RNF2: variants seen among roughly 807,000 people sequenced by gnomAD.
RNF2 encodes ring finger protein 2.
A neutral mutation model predicts 37.2 loss-of-function variants in RNF2; 6 were observed. The ratio of observed to expected loss-of-function variants is 0.16; its 90% CI spans 0.09 to 0.32. The LOEUF (loss-of-function observed/expected upper bound fraction) is 0.32, where lower values mean the gene tolerates loss of function less well. RNF2 is among the 10% of genes least tolerant of loss of function. The pLI is 1.00. For missense variants in RNF2, 251 were observed against 404.0 expected (o/e 0.62, Z 3.25); for synonymous variants, 133 against 132.7 (o/e 1.00, Z -0.02).
rs1415293012 is a variant in RNF2 at position 185,096,715 on chromosome 1, C to G, written c.465-1357C>G. 3.3e-5 allele frequency among the ~76,000 whole-genome samples: 5 copies of G among 151,914 alleles called. No individual in the cohort carries two copies. In the East Asian group the frequency reaches 7.7e-4, roughly 23 times the overall value. Reference sequence around the variant, plus strand: ...TGTTGTATGTGGCAGGATTTCCTTCCTTTTTAGGACTGAATAATCCATTGT... The same window carrying G: ...TGTTGTATGTGGCAGGATTTCCTTCGTTTTTAGGACTGAATAATCCATTGT... On this transcript the variant is annotated intron_variant, in intron 4 of 6. Coordinates refer to ENST00000367510, the MANE Select transcript of RNF2 (RefSeq NM_007212.4).
At chr1:185,047,735 A>G (rs1650158901) in intron 1 of RNF2, among the ~76,000 whole-genome samples, 1 of 152,228 alleles carries the variant, frequency 6.6e-6, no homozygotes, top group African/African-American at 2.4e-5. Flanking sequence ...GACTCATTAA[A>G]TTCTGGATAA....
At chr1:185,079,420 G>A (rs1464780568) in intron 1 of RNF2, among the ~76,000 whole-genome samples, 1 of 152,106 alleles carries the variant, frequency 6.6e-6, no homozygotes, top group East Asian at 1.9e-4. Flanking sequence ...CTAGAAAATA[G>A]GAGATTATAG....
At chr1:185,056,921 A>G (rs900804523) in intron 1 of RNF2, among the ~76,000 whole-genome samples, 2 of 152,142 alleles carry the variant, frequency 1.3e-5, no homozygotes, top group Non-Finnish European at 2.9e-5. Flanking sequence ...ATTTTGCTCT[A>G]TTTTCCTTTG....
intron 1 of RNF2, among the ~76,000 whole-genome samples, chr1:185,085,021 G>A (rs1651538884): frequency 6.6e-6 from 1 of 152,078 alleles, no homozygotes; most frequent in Admixed American, 6.5e-5. Flanking sequence ...TGGTCCCTGA[G>A]TAGCTGGAAC....
intron 1 of RNF2, 112 bp from the exon 2 acceptor site, chr1:185,087,440 A>C (rs1651634778): frequency 6.1e-6 from 5 of 825,750 alleles, no homozygotes; most frequent in Non-Finnish European, 4.1e-6. Context: ...TCTTAATATT[A>C]CTTCATTGAG....
chr1:185,055,983 T>G (rs542243643), intron 1 of RNF2, among the ~76,000 whole-genome samples: 1 of 152,328 alleles, frequency 6.6e-6, no homozygotes, highest in Admixed American at 6.5e-5. Context: ...AAGTAATGTA[T>G]GTTTTTAAAG....
At chr1:185,065,612 C>G (rs1650776781) in intron 1 of RNF2, among the ~76,000 whole-genome samples, 1 of 152,170 alleles carries the variant, frequency 6.6e-6, no homozygotes. Context: ...CTGCGAAGGT[C>G]CACAGCTTCA....
chr1:185,091,341 C>A (rs145415168), intron 2 of RNF2, among the ~76,000 whole-genome samples: 1 of 152,274 alleles, frequency 6.6e-6, no homozygotes, highest in African/African-American at 2.4e-5. Context: ...CTTTTAAATA[C>A]ATTAATATGT....
chr1:185,075,128 G>A (rs1191213365), intron 1 of RNF2, among the ~76,000 whole-genome samples: 1 of 151,936 alleles, frequency 6.6e-6, no homozygotes, highest in Non-Finnish European at 1.5e-5. Flanking sequence ...CCTAGTAGCT[G>A]GATTACAGGC....
chr1:185,064,442 A>G (rs573211754), intron 1 of RNF2, among the ~76,000 whole-genome samples: 1 of 152,302 alleles, frequency 6.6e-6, no homozygotes, highest in South Asian at 2.1e-4. Context: ...CAGTGGTTCG[A>G]CTTACGATTT....
In RNF2 at chr1:185,100,516, TA is replaced by T; in HGVS notation, c.*222del. On this transcript the variant is annotated 3_prime_UTR_variant, in exon 7 of 7. Coordinates refer to ENST00000367510, the MANE Select transcript of RNF2 (RefSeq NM_007212.4). ...TTATTCAGTATTTTTTTCTTTCCTT[TA>T]AAAAAATATATCTGAAGTTTCTTGT... The T allele has an allele frequency of 2.8e-6, 1 of 351,834 alleles. No individual in the cohort carries two copies. The highest frequency in any genetic ancestry group is 5.1e-6 in the Non-Finnish European group (1 of 194,714). 21.8% of individuals were successfully genotyped at this position (351,834 alleles called of 1,614,324 possible). A position where few individuals can be genotyped will look rare whatever the true frequency, so the allele number is the denominator to read the frequency against.
chr1:185,099,979 A>AC lies in RNF2; in HGVS notation c.909+17_909+18insC. Reference sequence around the variant, plus strand: ...CAGTTCACTGTGAGTATTTAAAATAATAGACTGTTGAAACTGGGAGCACAC... The same window carrying AC: ...CAGTTCACTGTGAGTATTTAAAATAACTAGACTGTTGAAACTGGGAGCACAC... On this transcript the variant is annotated intron_variant, in intron 6 of 6. Transcript: ENST00000367510. 1.9e-6 allele frequency: 3 copies of AC among 1,599,024 alleles called. No homozygotes were observed. Among genetic ancestry groups the AC allele is most frequent in the African/African-American group, 2.7e-5 (2 of 74,708 alleles).
At chr1:185,082,647 A>G (rs1371807244) in intron 1 of RNF2, among the ~76,000 whole-genome samples, 2 of 151,818 alleles carry the variant, frequency 1.3e-5, no homozygotes, top group Non-Finnish European at 2.9e-5. Context: ...GAGCCACCGC[A>G]CCCAGCCTGC....
chr1:185,082,344 A>AATTTTTTTTTTTTTTTTTTT (rs1557969996), intron 1 of RNF2, among the ~76,000 whole-genome samples: 2 of 46,866 alleles, frequency 4.3e-5, no homozygotes, highest in South Asian at 9.0e-4. Context: ...CCTCTGCAGA[A>AATTTTTTTTTTTTTTTTTTT]CTTTTTTTTT....
intron 1 of RNF2, among the ~76,000 whole-genome samples, chr1:185,075,827 G>A (rs1651133067): frequency 2.6e-5 from 4 of 152,176 alleles, no homozygotes; most frequent in South Asian, 4.1e-4. Flanking sequence ...TGAGATTTGG[G>A]CGAAGCCACA....
At chr1:185,068,993 G>C (rs746752271) in intron 1 of RNF2, among the ~76,000 whole-genome samples, 13 of 152,218 alleles carry the variant, frequency 8.5e-5, no homozygotes, top group Non-Finnish European at 1.6e-4. Flanking sequence ...CCTTTTTTGA[G>C]TAAAATGTTT....
At chr1:185,087,257 C>G (rs879365386) in intron 1 of RNF2, among the ~76,000 whole-genome samples, 13 of 152,148 alleles carry the variant, frequency 8.5e-5, no homozygotes, top group Non-Finnish European at 1.5e-4. Context: ...ATTCCAAGAT[C>G]ATGGCACCAG....
intron 1 of RNF2, among the ~76,000 whole-genome samples, chr1:185,081,744 GC>G (rs1211269966): frequency 6.6e-6 from 1 of 152,080 alleles, no homozygotes; most frequent in Non-Finnish European, 1.5e-5. Flanking sequence ...TGTGTGACGT[GC>G]ATTTGAGCAT....
At chr1:185,084,763 T>C (rs1382813088) in intron 1 of RNF2, among the ~76,000 whole-genome samples, 2 of 152,224 alleles carry the variant, frequency 1.3e-5, no homozygotes, top group African/African-American at 4.8e-5. Context: ...TAAGAATGCA[T>C]ATAGCAGGAA....
Sources: gnomAD v4.1 joint callset for allele counts (sites outside exome capture counted in the v4.1 genomes callset) on GRCh38, gnomAD v4.1.1 for gene constraint, MANE v1.5 for transcripts, NCBI Gene and HGNC (gene_info 2026-07-23, HGNC 2026-07-21) for gene names.